Variants in STAG1 observed in about 807,000 individuals in gnomAD.
The protein encoded by STAG1 is STAG1 cohesin complex component.
In STAG1, 26 loss-of-function variants were observed where a neutral mutation model predicts 170.9. The ratio of observed to expected loss-of-function variants is 0.15; its 90% CI spans 0.11 to 0.21. STAG1 has a LOEUF of 0.21. STAG1 is among the 10% of genes least tolerant of loss of function. The pLI, the probability that STAG1 is intolerant of heterozygous loss-of-function variation, is 1.00. For missense variants in STAG1, 964 were observed against 1,509.5 expected, an observed-to-expected ratio of 0.64 and a Z score of 5.99; for synonymous variants, 514 against 497.7, an observed-to-expected ratio of 1.03 and a Z score of -0.44.
intron 7 of STAG1, 101 bp downstream of exon 7, chr3:136,521,112 C>T (rs1934649127): frequency 1.0e-6 from 1 of 977,728 alleles, no homozygotes; most frequent in Non-Finnish European, 1.5e-6. Context: ...CTGTTTTATT[C>T]TAATTAAATT....
intron 16 of STAG1, among the ~76,000 whole-genome samples, chr3:136,432,662 C>A (rs753923398): frequency 6.6e-6 from 1 of 151,984 alleles, no homozygotes; most frequent in Non-Finnish European, 1.5e-5. Context: ...GCATGCCACC[C>A]TGCCCAGCTC....
intron 22 of STAG1, among the ~76,000 whole-genome samples, chr3:136,388,225 G>A (rs537039254): frequency 2.0e-5 from 3 of 152,312 alleles, no homozygotes; most frequent in African/African-American, 7.2e-5. Flanking sequence ...TATCAGGAAA[G>A]TGAAGCTCAA....
chr3:136,403,224 T>TAAAAAAAA (rs55678408), intron 21 of STAG1, among the ~76,000 whole-genome samples: 42 of 33,604 alleles, frequency 1.2e-3, no homozygotes, highest in African/African-American at 2.4e-3. Flanking sequence ...GAGACTGTCT[T>TAAAAAAAA]AAAAAAAAAA....
intron 1 of STAG1, among the ~76,000 whole-genome samples, chr3:136,653,670 A>G (rs1559932238): frequency 6.6e-6 from 1 of 152,322 alleles, no homozygotes; most frequent in East Asian, 1.9e-4. Context: ...ACTAAATGAC[A>G]GATTCAACCC....
chr3:136,474,770 T>G (rs1018969587), intron 10 of STAG1, among the ~76,000 whole-genome samples: 1 of 152,224 alleles, frequency 6.6e-6, no homozygotes, highest in Non-Finnish European at 1.5e-5. Context: ...AGGTCCCCTT[T>G]ACTGGGCTAA....
intron 9 of STAG1, among the ~76,000 whole-genome samples, chr3:136,491,156 C>T (rs1013894600): frequency 2.0e-5 from 3 of 152,068 alleles, no homozygotes; most frequent in African/African-American, 4.8e-5. Flanking sequence ...CTTGCTCTGT[C>T]GTTCAGGCTG....
In STAG1 at chr3:136,469,661, G is replaced by C. The variant is rs140073771; in HGVS notation, c.1205+2752C>G. ...TTAAAGTTCATATGGAACCAAAAAA[G>C]AGCTTGCATTGCCAAGACAATCCTA... On this transcript the variant is annotated intron_variant, in intron 12 of 33. Coordinates refer to ENST00000383202, the MANE Select transcript of STAG1 (RefSeq NM_005862.3). Among the ~76,000 whole-genome samples the C allele has an allele frequency of 6.5e-3, 983 of 152,296 alleles. 12 individuals are homozygous for C. The highest frequency in any genetic ancestry group is 0.022 in the African/African-American group (934 of 41,558).
At chr3:136,750,329 T>TA (rs1389782219) in intron 1 of STAG1, among the ~76,000 whole-genome samples, 2 of 152,016 alleles carry the variant, frequency 1.3e-5, no homozygotes, top group Non-Finnish European at 2.9e-5. Flanking sequence ...TTTTTAGAGA[T>TA]AAAGAAAGTA....
chr3:136,738,170 G>T (rs1934453546), intron 1 of STAG1, among the ~76,000 whole-genome samples: 1 of 152,056 alleles, frequency 6.6e-6, no homozygotes, highest in Non-Finnish European at 1.5e-5. Context: ...GAGCAGGGAT[G>T]GGGATTAAGA....
intron 1 of STAG1, among the ~76,000 whole-genome samples, chr3:136,722,048 C>T (rs1027750950): frequency 4.6e-5 from 7 of 151,914 alleles, no homozygotes; most frequent in Non-Finnish European, 8.8e-5. Flanking sequence ...ATGGTGAGAC[C>T]CCATCTCTAA....
intron 13 of STAG1, among the ~76,000 whole-genome samples, chr3:136,456,709 T>C (rs1360581244): frequency 6.6e-6 from 1 of 152,120 alleles, no homozygotes; most frequent in Non-Finnish European, 1.5e-5. Context: ...AGGCATATCA[T>C]AATCAAATTA....
intron 25 of STAG1, 46 bp downstream of exon 25, chr3:136,366,897 C>A: frequency 6.7e-7 from 1 of 1,490,116 alleles, no homozygotes; most frequent in Middle Eastern, 1.9e-4. Flanking sequence ...TTGCTAATTT[C>A]TCTGCCAGTT....
intron 1 of STAG1, among the ~76,000 whole-genome samples, chr3:136,696,563 T>C (rs941138997): frequency 2.0e-5 from 3 of 152,072 alleles, no homozygotes; most frequent in African/African-American, 7.2e-5. Flanking sequence ...TGTAGGTTCA[T>C]CAACTATAAC....
At chr3:136,477,069 T>A (rs2107820747) in intron 10 of STAG1, among the ~76,000 whole-genome samples, 1 of 152,306 alleles carries the variant, frequency 6.6e-6, no homozygotes, top group Non-Finnish European at 1.5e-5. Context: ...CAAACTTGGT[T>A]CAAGACAATA....
At chr3:136,676,972 T>G (rs1942145448) in intron 1 of STAG1, among the ~76,000 whole-genome samples, 1 of 152,182 alleles carries the variant, frequency 6.6e-6, no homozygotes, top group Non-Finnish European at 1.5e-5. Flanking sequence ...CTCCACATGC[T>G]GTCCCACTGG....
At chr3:136,433,116 G>A (rs902069717) in intron 16 of STAG1, among the ~76,000 whole-genome samples, 1 of 151,858 alleles carries the variant, frequency 6.6e-6, no homozygotes, top group Non-Finnish European at 1.5e-5. Context: ...CTCCATCTAT[G>A]ATTATCTGAA....
chr3:136,492,028 T>C (rs2090134589), intron 9 of STAG1, among the ~76,000 whole-genome samples: 1 of 151,998 alleles, frequency 6.6e-6, no homozygotes, highest in African/African-American at 2.4e-5. Flanking sequence ...AAAATCAAAT[T>C]TGTTTGAAGT....
intron 21 of STAG1, among the ~76,000 whole-genome samples, chr3:136,417,003 C>G (rs1017151205): frequency 3.3e-5 from 5 of 151,950 alleles, no homozygotes; most frequent in Non-Finnish European, 7.4e-5. Flanking sequence ...CATGCCACTG[C>G]ATCTGGCTAA....
At chr3:136,738,767 G>C (rs540183556) in intron 1 of STAG1, among the ~76,000 whole-genome samples, 1 of 152,270 alleles carries the variant, frequency 6.6e-6, no homozygotes, top group East Asian at 1.9e-4. Flanking sequence ...TTGGATACTT[G>C]AAAATGCTGA....
Sources: allele counts gnomAD v4.1 joint callset (sites outside exome capture counted in the v4.1 genomes callset), GRCh38; gene constraint gnomAD v4.1.1; transcripts MANE v1.5; gene names NCBI Gene and HGNC (gene_info 2026-07-23, HGNC 2026-07-21).